IFT43: variants seen among roughly 807,000 people sequenced by gnomAD.
IFT43 encodes intraflagellar transport protein 43 homolog.
In IFT43, 33 loss-of-function variants were observed where a neutral mutation model predicts 32.3. That is an observed-to-expected ratio of 1.02 (90% CI 0.77 to 1.37). The LOEUF (loss-of-function observed/expected upper bound fraction) is 1.37. Ranked by LOEUF, IFT43 falls within the 40% of genes most tolerant of loss-of-function variation. The pLI, the probability that IFT43 is intolerant of heterozygous loss-of-function variation, is 0.00. For synonymous variants in IFT43, 93 were observed against 98.2 expected, an observed-to-expected ratio of 0.95 and a Z score of 0.31; for missense variants, 274 against 265.9, an observed-to-expected ratio of 1.03 and a Z score of -0.21.
intron 2 of IFT43, among the ~76,000 whole-genome samples, chr14:76,009,186 A>G (rs1242399489): frequency 6.6e-6 from 1 of 152,212 alleles, no homozygotes; most frequent in East Asian, 1.9e-4. Flanking sequence ...ATCATGTATC[A>G]TCTGCTTCAT....
At chr14:76,004,017 C>G (rs536780085) in intron 2 of IFT43, among the ~76,000 whole-genome samples, 49 of 152,272 alleles carry the variant, frequency 3.2e-4, no homozygotes, top group Non-Finnish European at 7.1e-4. Context: ...CTCAAGTGAT[C>G]CACCTGCCTC....
chr14:76,059,102 C>G (rs565491102), intron 4 of IFT43: 3 of 1,459,174 alleles, frequency 2.1e-6, no homozygotes, highest in Non-Finnish European at 2.7e-6. Flanking sequence ...GCATTCATGT[C>G]ATAGCCTCTG....
chr14:76,062,157 G>A (rs1217758073), intron 5 of IFT43, among the ~76,000 whole-genome samples: 2 of 151,024 alleles, frequency 1.3e-5, no homozygotes, highest in East Asian at 3.9e-4. Flanking sequence ...TGCAAGCTCC[G>A]CCTCCTGGGT....
At chr14:76,077,327 AT>A (rs2037429623) in intron 5 of IFT43, among the ~76,000 whole-genome samples, 1 of 152,194 alleles carries the variant, frequency 6.6e-6, no homozygotes, top group South Asian at 2.1e-4. Flanking sequence ...TGTGAAATGA[AT>A]CCTACTCAGG....
chr14:76,061,589 A>T (rs1566730858), intron 5 of IFT43, among the ~76,000 whole-genome samples: 1 of 151,984 alleles, frequency 6.6e-6, no homozygotes, highest in Non-Finnish European at 1.5e-5. Flanking sequence ...TACAATGTCT[A>T]GTCTGCTTTT....
At chr14:76,005,246 G>A (rs527763647) in intron 2 of IFT43, among the ~76,000 whole-genome samples, 2 of 152,306 alleles carry the variant, frequency 1.3e-5, no homozygotes, top group South Asian at 2.1e-4. Context: ...TAAACTATTT[G>A]TGGATCACCT....
intron 2 of IFT43, among the ~76,000 whole-genome samples, chr14:76,014,927 C>A (rs1195470547): frequency 6.6e-6 from 1 of 152,174 alleles, no homozygotes; most frequent in Non-Finnish European, 1.5e-5. Flanking sequence ...TCCATTGTGG[C>A]CTTTTGAGTT....
chr14:76,024,489 T>C (rs1487336845), intron 3 of IFT43, among the ~76,000 whole-genome samples: 2 of 152,242 alleles, frequency 1.3e-5, no homozygotes, highest in African/African-American at 2.4e-5. Context: ...CCTGGGGAAG[T>C]TACTTAACCC....
In IFT43 at chr14:76,042,257, TA is replaced by T. The variant is rs531108883; in HGVS notation, c.216-16369del. On this transcript the variant is annotated intron_variant, in intron 3 of 8. Transcript: ENST00000314067. ...GCTTGCAGATGAGGAAACTGAAGAG[TA>T]AAAAAAAAAAAAAAAGTTAAGTAAC... 8.1e-3 allele frequency among the ~76,000 whole-genome samples: 1,064 copies of T among 131,552 alleles called. 7 individuals carry two copies. The highest frequency in any genetic ancestry group is 0.023 in the South Asian group (96 of 4,124). The allele number at this position is 131,552 out of a possible 152,430, so 86.3% of individuals were successfully genotyped here.
At chr14:76,003,100 A>T (rs935885901) in intron 2 of IFT43, among the ~76,000 whole-genome samples, 2 of 152,232 alleles carry the variant, frequency 1.3e-5, no homozygotes, top group African/African-American at 4.8e-5. Flanking sequence ...ACTTTACAGG[A>T]AAAGGGTACT....
rs138676689 is a variant in IFT43, at chr14:76,040,715, G to A, written c.216-17927G>A. Among the ~76,000 whole-genome samples, 15 of 152,320 alleles carry A rather than the reference G, an allele frequency of 9.8e-5. No individual in the cohort carries two copies. In the East Asian group the frequency reaches 2.1e-3, roughly 22 times the overall value. On this transcript the variant is annotated intron_variant, in intron 3 of 8. Transcript: ENST00000314067. ...TCCCATTCAAAGGGGACAGCAGTGT[G>A]TCCCCACAAGCCCTGCTGCAGCAGC...
chr14:76,080,492 T>C (rs2037490666), intron 5 of IFT43, among the ~76,000 whole-genome samples: 1 of 152,060 alleles, frequency 6.6e-6, no homozygotes, highest in Non-Finnish European at 1.5e-5. Context: ...ATGCTAAAGT[T>C]GTGGAGGGAA....
intron 5 of IFT43, among the ~76,000 whole-genome samples, chr14:76,067,211 T>C (rs1230236193): frequency 2.0e-5 from 3 of 152,196 alleles, no homozygotes; most frequent in Admixed American, 6.5e-5. Flanking sequence ...TGCCTAGGGA[T>C]AGAAGACAAG....
In IFT43 at chr14:76,047,084, C is replaced by T. The variant is rs571964562; in HGVS notation, c.216-11558C>T. ...CTTCGATAAGGGACTAATCCCATCCCTGAGGGTGGAGTCCTCATGGCCTTG... is the reference window on the plus strand; with the variant it reads ...CTTCGATAAGGGACTAATCCCATCCTTGAGGGTGGAGTCCTCATGGCCTTG... On this transcript the variant is annotated intron_variant, in intron 3 of 8. Transcript: ENST00000314067. Among the ~76,000 whole-genome samples, 3 of 152,344 alleles carry T rather than the reference C, an allele frequency of 2.0e-5. No homozygotes were observed. In the East Asian group the frequency reaches 5.8e-4, roughly 29 times the overall value.
At chr14:76,076,883 A>C (rs757794303) in intron 5 of IFT43, among the ~76,000 whole-genome samples, 25 of 152,102 alleles carry the variant, frequency 1.6e-4, no homozygotes, top group Non-Finnish European at 2.6e-4. Context: ...TTGGTATTCT[A>C]TAAGTTTCTA....
At chr14:76,047,433 A>G (rs1276003811) in intron 3 of IFT43, among the ~76,000 whole-genome samples, 1 of 152,202 alleles carries the variant, frequency 6.6e-6, no homozygotes, top group African/African-American at 2.4e-5. Flanking sequence ...GAGAAAGGAA[A>G]TAAAGAAGTC....
intron 2 of IFT43, among the ~76,000 whole-genome samples, chr14:76,016,505 G>A (rs932109232): frequency 1.3e-5 from 2 of 152,078 alleles, no homozygotes; most frequent in African/African-American, 4.8e-5. Context: ...CTCCATCTTT[G>A]TTCTTTTTGC....
chr14:76,005,294 T>C (rs566688895), intron 2 of IFT43, among the ~76,000 whole-genome samples: 2 of 152,354 alleles, frequency 1.3e-5, no homozygotes, highest in South Asian at 2.1e-4. Flanking sequence ...TGTGTTAGGT[T>C]GGGTGTATTT....
chr14:75,999,282 T>TATA (rs1491301918), intron 2 of IFT43, among the ~76,000 whole-genome samples: 32 of 26,486 alleles, frequency 1.2e-3, no homozygotes, highest in African/African-American at 2.1e-3. Context: ...TGTATATATA[T>TATA]TTTTTTTTTT....
Sources: gnomAD v4.1 joint callset for allele counts (sites outside exome capture counted in the v4.1 genomes callset) on GRCh38, gnomAD v4.1.1 for gene constraint, MANE v1.5 for transcripts, NCBI Gene and HGNC (gene_info 2026-07-23, HGNC 2026-07-21) for gene names.